NFYC: variants seen among roughly 807,000 people sequenced by gnomAD.
NFYC encodes the protein nuclear transcription factor Y subunit gamma, also known as CAAT box DNA-binding protein subunit C.
In NFYC, 25 loss-of-function variants were observed where a neutral mutation model predicts 53.1. That is an observed-to-expected ratio of 0.47 (90% CI 0.34 to 0.66). The LOEUF (loss-of-function observed/expected upper bound fraction) is 0.66. NFYC is among the 30% of genes least tolerant of loss of function. The pLI is 0.01. For missense variants in NFYC, 260 were observed against 422.7 expected (o/e 0.62, Z 3.38); for synonymous variants, 145 against 152.6 (o/e 0.95, Z 0.37).
intron 2 of NFYC, among the ~76,000 whole-genome samples, chr1:40,741,857 G>C (rs1645365782): frequency 6.6e-6 from 1 of 151,596 alleles, no homozygotes; most frequent in Non-Finnish European, 1.5e-5. Flanking sequence ...TCCCACATCT[G>C]CCTCCCAAAG....
At chr1:40,742,237 A>G (rs1046412454) in intron 2 of NFYC, among the ~76,000 whole-genome samples, 14 of 151,720 alleles carry the variant, frequency 9.2e-5, no homozygotes, top group Admixed American at 8.5e-4. Flanking sequence ...TTAAGGCAGA[A>G]TCATACCCTG....
At chr1:40,745,482 T>C (rs1645564128) in intron 2 of NFYC, among the ~76,000 whole-genome samples, 1 of 152,194 alleles carries the variant, frequency 6.6e-6, no homozygotes, top group Non-Finnish European at 1.5e-5. Flanking sequence ...TTAAAAAAAC[T>C]CTTTAGGATC....
chr1:40,721,165 A>C lies in NFYC; in HGVS notation c.-8-17671A>C, dbSNP rs147974239. 1.1e-4 allele frequency among the ~76,000 whole-genome samples: 17 copies of C among 152,336 alleles called. No homozygotes were observed. The East Asian group carries it at 3.3e-3, about 29-fold the overall frequency. On this transcript the variant is annotated intron_variant, in intron 1 of 9. Coordinates refer to ENST00000447388, the MANE Select transcript of NFYC (RefSeq NM_014223.5). ...GAATGGTTTCTTGGGGAGAAAAAAA[A>C]TTTATCATCACTGATTAGTGAATGT...
Position 40,763,064 on chromosome 1 carries a change from GT to G in NFYC, c.720+19del. The stretch of plus-strand genomic sequence containing the variant: ...AGATCCCGGTGAGTCCTGCCCTGAG[GT>G]CTGTCTTTACAACTTTATAGAAGGA... On this transcript the variant is annotated intron_variant, in intron 7 of 9. Coordinates refer to ENST00000447388, the MANE Select transcript of NFYC (RefSeq NM_014223.5). 6.4e-7 allele frequency: 1 copy of G among 1,559,308 alleles called. No individual in the cohort carries two copies.
At chr1:40,758,008 C>T (rs1264312588) in intron 5 of NFYC, 113 bp from the exon 6 acceptor site, 2 of 1,158,654 alleles carry the variant, frequency 1.7e-6, no homozygotes, top group Non-Finnish European at 2.5e-6. Flanking sequence ...GTGGAGAGCT[C>T]AGCATTCAGC....
At chr1:40,718,150 C>T (rs1029353517) in intron 1 of NFYC, among the ~76,000 whole-genome samples, 3 of 152,100 alleles carry the variant, frequency 2.0e-5, no homozygotes, top group African/African-American at 7.2e-5. Context: ...ATGAAGCTCC[C>T]CTTGAAGGTG....
At chr1:40,710,840 G>A (rs1643906715) in intron 1 of NFYC, among the ~76,000 whole-genome samples, 1 of 152,272 alleles carries the variant, frequency 6.6e-6, no homozygotes, top group South Asian at 2.1e-4. Flanking sequence ...GCTTGCAAAA[G>A]TGACCTTGAA....
At chr1:40,729,486 G>A (rs1644667015) in intron 1 of NFYC, among the ~76,000 whole-genome samples, 1 of 152,188 alleles carries the variant, frequency 6.6e-6, no homozygotes, top group Non-Finnish European at 1.5e-5. Flanking sequence ...TGGCTTAAAG[G>A]AATGTTGTGG....
intron 1 of NFYC, among the ~76,000 whole-genome samples, chr1:40,730,764 C>T (rs1391653693): frequency 6.6e-6 from 1 of 152,122 alleles, no homozygotes; most frequent in African/African-American, 2.4e-5. Flanking sequence ...GTTTCTTAGT[C>T]AGTACTGAGC....
intron 1 of NFYC, among the ~76,000 whole-genome samples, chr1:40,722,597 T>C (rs1644366366): frequency 6.6e-6 from 1 of 152,238 alleles, no homozygotes; most frequent in Admixed American, 6.5e-5. Flanking sequence ...CATGATGATA[T>C]GATGCCATCT....
At chr1:40,709,444 T>TG (rs1372143993) in intron 1 of NFYC, 1 of 151,838 alleles carries the variant, frequency 6.6e-6, no homozygotes, top group Non-Finnish European at 1.5e-5. Context: ...TGTTGGGGGG[T>TG]GGGAGGACAG....
At chr1:40,719,933 T>C (rs1007727665) in intron 1 of NFYC, among the ~76,000 whole-genome samples, 1 of 152,206 alleles carries the variant, frequency 6.6e-6, no homozygotes, top group Non-Finnish European at 1.5e-5. Flanking sequence ...ATCTTATGTG[T>C]TTATGGTGAG....
chr1:40,753,247 GTGAGCTGTGAAGGGATTGCAGTTGCTGC>G lies in NFYC; in HGVS notation c.387+5_387+32del. ...TGAACTGAAACCTCCAAAGCGTCAG[GTGAGCTGTGAAGGGATTGCAGTTGCTGC>G]TGACTGAAGAGCGCTTTGTATACTG... On this transcript the variant is annotated splice_donor_variant and splice_donor_5th_base_variant and intron_variant, in intron 5 of 9. Transcript: ENST00000447388. LOFTEE classifies it high-confidence loss of function. The G allele has an allele frequency of 4.3e-6, 7 of 1,611,616 alleles. No individual in the cohort carries two copies. The highest frequency in any genetic ancestry group is 5.9e-6 in the Non-Finnish European group (7 of 1,177,806).
Position 40,730,584 on chromosome 1 carries a change from A to C in NFYC, c.-8-8252A>C, listed in dbSNP as rs148353494. 152 of 985,398 alleles carry C rather than the reference A, an allele frequency of 1.5e-4. 1 individual carries two copies. In the African/African-American group the frequency reaches 2.2e-3, roughly 14 times the overall value. 61.0% of individuals were successfully genotyped at this position (985,398 alleles called of 1,614,324 possible). A position where few individuals can be genotyped will look rare whatever the true frequency, so the allele number is the denominator to read the frequency against. On this transcript the variant is annotated intron_variant, in intron 1 of 9. Coordinates refer to ENST00000447388, the MANE Select transcript of NFYC (RefSeq NM_014223.5). ...CAGAGGAAGATATGATCAAAATGCA[A>C]GTCACAAAAGTGAGTGAAGAAGGTA...
intron 2 of NFYC, among the ~76,000 whole-genome samples, chr1:40,739,716 T>G (rs1645237440): frequency 6.6e-6 from 1 of 152,330 alleles, no homozygotes; most frequent in Admixed American, 6.5e-5. Context: ...ACTAAGTACT[T>G]ACTGAATCAG....
intron 1 of NFYC, among the ~76,000 whole-genome samples, chr1:40,725,002 A>G (rs910938889): frequency 2.6e-5 from 4 of 152,166 alleles, no homozygotes; most frequent in Non-Finnish European, 4.4e-5. Flanking sequence ...CATTAATCAG[A>G]GTTGGGGAAG....
At chr1:40,698,163 G>T (rs866817129) in intron 1 of NFYC, among the ~76,000 whole-genome samples, 16 of 152,080 alleles carry the variant, frequency 1.1e-4, no homozygotes, top group African/African-American at 3.6e-4. Context: ...AAGAGTTTGT[G>T]ACCAGCCTGG....
chr1:40,706,582 G>A (rs1214453698), intron 1 of NFYC, among the ~76,000 whole-genome samples: 3 of 152,084 alleles, frequency 2.0e-5, no homozygotes, highest in African/African-American at 7.2e-5. Context: ...TTTGGTGGGA[G>A]GAAGCAGATC....
chr1:40,744,402 G>C (rs1645506395), intron 2 of NFYC, among the ~76,000 whole-genome samples: 1 of 152,200 alleles, frequency 6.6e-6, no homozygotes, highest in Non-Finnish European at 1.5e-5. Flanking sequence ...CCAAGATTGA[G>C]AATCATTGAT....
Sources: allele counts gnomAD v4.1 joint callset (sites outside exome capture counted in the v4.1 genomes callset), GRCh38; gene constraint gnomAD v4.1.1; transcripts MANE v1.5; gene names NCBI Gene and HGNC (gene_info 2026-07-23, HGNC 2026-07-21).